The following NAV1 variants were observed in gnomAD, a reference collection of about 807,000 sequenced individuals.
The protein encoded by NAV1 is neuron navigator 1, also known as pore membrane and/or filament interacting like protein 3.
NAV1 carries 18 observed loss-of-function variants against 175.2 expected under a neutral mutation model. That is an observed-to-expected ratio of 0.10 (90% CI 0.07 to 0.15). The LOEUF is 0.15. Ranked by LOEUF, NAV1 falls within the 10% of genes least tolerant of loss-of-function variation. The pLI is 1.00. For synonymous variants in NAV1, 897 were observed against 978.7 expected, an observed-to-expected ratio of 0.92 and a Z score of 1.56; for missense variants, 1,731 against 2,436.6, an observed-to-expected ratio of 0.71 and a Z score of 6.10.
At chr1:201,610,609 G>A (rs575018860) in intron 2 of NAV1, among the ~76,000 whole-genome samples, 133 of 152,336 alleles carry the variant, frequency 8.7e-4, no homozygotes, top group African/African-American at 2.8e-3. Flanking sequence ...CGCAGGCACA[G>A]GTGCAGGACG....
intron 2 of NAV1, among the ~76,000 whole-genome samples, chr1:201,609,408 T>C (rs867645671): frequency 1.3e-5 from 2 of 152,230 alleles, no homozygotes; most frequent in African/African-American, 4.8e-5. Context: ...CCTGGGCCTC[T>C]GGGCTGGAGG....
chr1:201,743,771 G>T (rs1461442870), intron 3 of NAV1, among the ~76,000 whole-genome samples: 1 of 152,098 alleles, frequency 6.6e-6, no homozygotes, highest in African/African-American at 2.4e-5. Flanking sequence ...ATTCGTCATT[G>T]CCCATATTCA....
intron 1 of NAV1, among the ~76,000 whole-genome samples, chr1:201,698,837 C>T (rs899205676): frequency 1.3e-4 from 20 of 152,202 alleles, no homozygotes; most frequent in African/African-American, 4.8e-4. Context: ...ATGACAAAAG[C>T]CTGCCCTTAC....
chr1:201,587,594 G>A (rs1234071947), intron 1 of NAV1, among the ~76,000 whole-genome samples: 1 of 151,588 alleles, frequency 6.6e-6, no homozygotes, highest in Non-Finnish European at 1.5e-5. Context: ...TGATGTGGGA[G>A]GATAGCTTGA....
chr1:201,768,448 GGCA>G (rs1675351849), intron 3 of NAV1, among the ~76,000 whole-genome samples: 1 of 151,788 alleles, frequency 6.6e-6, no homozygotes, highest in Non-Finnish European at 1.5e-5. Flanking sequence ...AACCAGCCTG[GGCA>G]ACATGGTGAA....
chr1:201,632,885 T>C (rs1273182019), intron 2 of NAV1, among the ~76,000 whole-genome samples: 2 of 152,252 alleles, frequency 1.3e-5, no homozygotes, highest in East Asian at 1.9e-4. Flanking sequence ...TCATGCCTTA[T>C]GGATTTGAAA....
chr1:201,583,864 G>T (rs367635260), intron 1 of NAV1, among the ~76,000 whole-genome samples: 4 of 152,186 alleles, frequency 2.6e-5, no homozygotes, highest in Admixed American at 2.0e-4. Flanking sequence ...AGCCAGTCAG[G>T]ACCTTCAGCT....
In NAV1 at chr1:201,810,925, G is replaced by C. The variant is rs746899888; in HGVS notation, c.4797+167G>C. Among the ~76,000 whole-genome samples the C allele has an allele frequency of 7.3e-5, 11 of 151,502 alleles. No homozygotes were observed. Among genetic ancestry groups the C allele is most frequent in the Non-Finnish European group, 1.5e-4 (10 of 67,906 alleles). On this transcript the variant is annotated intron_variant, in intron 24 of 29. Coordinates refer to ENST00000367296, the Ensembl canonical transcript of NAV1. This position sits in a 1 kb window ranked among gnomAD's most constrained non-coding sequence, Gnocchi z 6.0. ...CCCTCTCTATCTATCCCCTTTTCCA[G>C]TCTTCTCCTTTCCCTCCCCACGATT...
chr1:201,814,173 G>A (rs1387062164), intron 28 of NAV1, among the ~76,000 whole-genome samples: 1 of 151,970 alleles, frequency 6.6e-6, no homozygotes. Flanking sequence ...TTGAGCCCAG[G>A]AGCTTGGGCA....
chr1:201,805,567 T>C (rs1197626670), intron 17 of NAV1, among the ~76,000 whole-genome samples: 2 of 152,144 alleles, frequency 1.3e-5, no homozygotes, highest in African/African-American at 4.8e-5. Flanking sequence ...TTTGATTTTT[T>C]AGATTAACAT....
chr1:201,614,411 G>A (rs577879543), intron 2 of NAV1, among the ~76,000 whole-genome samples: 1 of 152,338 alleles, frequency 6.6e-6, no homozygotes, highest in Admixed American at 6.5e-5. Flanking sequence ...CAGGAAGGGC[G>A]GTGGAGAGCG....
chr1:201,565,450 C>T (rs1239527752), intron 1 of NAV1, among the ~76,000 whole-genome samples: 3 of 152,218 alleles, frequency 2.0e-5, no homozygotes, highest in Admixed American at 2.0e-4. Flanking sequence ...GCCGAGGAGG[C>T]ACACAAAGTT....
chr1:201,633,877 G>A (rs1668544017), intron 2 of NAV1, among the ~76,000 whole-genome samples: 1 of 152,236 alleles, frequency 6.6e-6, no homozygotes, highest in African/African-American at 2.4e-5. Flanking sequence ...GCTTGGGAGT[G>A]CGAGGGTCTC....
intron 1 of NAV1, among the ~76,000 whole-genome samples, chr1:201,666,251 A>G (rs1186405994): frequency 6.6e-6 from 1 of 151,996 alleles, no homozygotes; most frequent in Non-Finnish European, 1.5e-5. Context: ...TGGCTCCCAT[A>G]TGTTCAGGGA....
At chr1:201,630,437 C>A (rs61819726) in intron 2 of NAV1, among the ~76,000 whole-genome samples, 1 of 152,358 alleles carries the variant, frequency 6.6e-6, no homozygotes, top group African/African-American at 2.4e-5. Context: ...GCTTAGAACA[C>A]AGCCTGACCC....
intron 3 of NAV1, among the ~76,000 whole-genome samples, chr1:201,733,760 G>A (rs546165819): frequency 2.2e-4 from 34 of 152,112 alleles, no homozygotes; most frequent in South Asian, 4.2e-4. Context: ...GGCAGGAATC[G>A]GCATAAGTTC....
At chr1:201,621,344 T>C (rs1330941912), upstream of NAV1, among the ~76,000 whole-genome samples, 1 of 148,942 alleles carries the variant, frequency 6.7e-6, no homozygotes, top group Non-Finnish European at 1.5e-5. Flanking sequence ...TTTTTTTTTT[T>C]TTTTTTTTGA....
intron 1 of NAV1, among the ~76,000 whole-genome samples, chr1:201,553,858 C>T (rs551502909): frequency 2.0e-5 from 3 of 152,186 alleles, no homozygotes; most frequent in African/African-American, 4.8e-5. Flanking sequence ...TAATTTCTGA[C>T]GTATGAATGT....
intron 3 of NAV1, among the ~76,000 whole-genome samples, chr1:201,775,557 C>A (rs906752316): frequency 5.3e-5 from 8 of 152,258 alleles, no homozygotes; most frequent in African/African-American, 1.9e-4. Flanking sequence ...CTTCATCACA[C>A]ATCTCAGAAG....
Sources: allele counts gnomAD v4.1 joint callset (sites outside exome capture counted in the v4.1 genomes callset), GRCh38; gene constraint gnomAD v4.1.1; non-coding constraint Gnocchi (gnomAD v3.1); transcripts MANE v1.5; gene names NCBI Gene and HGNC (gene_info 2026-07-23, HGNC 2026-07-21).